PDE1C: variants seen among roughly 807,000 people sequenced by gnomAD.
PDE1C encodes dual specificity calcium/calmodulin-dependent 3',5'-cyclic nucleotide phosphodiesterase 1C.
In PDE1C, 62 loss-of-function variants were observed where a neutral mutation model predicts 93.1. That is an observed-to-expected ratio of 0.67 (90% CI 0.54 to 0.82). PDE1C has a LOEUF of 0.82. PDE1C is among the 40% of genes least tolerant of loss of function. The pLI, the probability that PDE1C is intolerant of heterozygous loss-of-function variation, is 0.00. For synonymous variants in PDE1C, 325 were observed against 310.1 expected, an observed-to-expected ratio of 1.05 and a Z score of -0.50; for missense variants, 742 against 884.6, an observed-to-expected ratio of 0.84 and a Z score of 2.04.
At chr7:32,396,716 T>C (rs1784846273) in intron 1 of PDE1C, among the ~76,000 whole-genome samples, 1 of 152,152 alleles carries the variant, frequency 6.6e-6, no homozygotes, top group Non-Finnish European at 1.5e-5. Flanking sequence ...GTATGTTTGT[T>C]ATAGTAAAAT....
chr7:31,934,972 A>G (rs1563061354), intron 2 of PDE1C, among the ~76,000 whole-genome samples: 1 of 152,236 alleles, frequency 6.6e-6, no homozygotes, highest in East Asian at 1.9e-4. Context: ...TTTTAAAACT[A>G]CAGTGATAGT....
At chr7:32,137,583 G>A (rs998747753) in intron 3 of PDE1C, among the ~76,000 whole-genome samples, 12 of 152,172 alleles carry the variant, frequency 7.9e-5, no homozygotes, top group Non-Finnish European at 1.5e-5. Context: ...TGGAGAAGCA[G>A]CAGAAGGGTA....
chr7:32,083,252 T>C (rs1796831540), intron 3 of PDE1C, among the ~76,000 whole-genome samples: 2 of 150,556 alleles, frequency 1.3e-5, no homozygotes, highest in Admixed American at 6.6e-5. Context: ...AGGGTATCAG[T>C]GATGGAAGAT....
At chr7:31,954,300 G>C (rs1177405969) in intron 2 of PDE1C, among the ~76,000 whole-genome samples, 1 of 152,190 alleles carries the variant, frequency 6.6e-6, no homozygotes, top group African/African-American at 2.4e-5. Context: ...AGGGGCTTCG[G>C]AGGCTGTAGC....
At chr7:32,264,765 C>T (rs1810451501) in intron 1 of PDE1C, among the ~76,000 whole-genome samples, 1 of 152,202 alleles carries the variant, frequency 6.6e-6, no homozygotes, top group Non-Finnish European at 1.5e-5. Flanking sequence ...CAAGATGTCC[C>T]ATGCCTCCAC....
intron 16 of PDE1C, among the ~76,000 whole-genome samples, chr7:31,803,399 T>TTTATTA (rs70989605): frequency 0.013 from 1,978 of 150,174 alleles, 28 homozygotes; most frequent in African/African-American, 0.036. Flanking sequence ...GCTTTTTCTT[T>TTTATTA]TTATTATTAT....
chr7:32,090,586 AG>A (rs1563304352), intron 3 of PDE1C, among the ~76,000 whole-genome samples: 1 of 152,244 alleles, frequency 6.6e-6, no homozygotes, highest in Non-Finnish European at 1.5e-5. Flanking sequence ...AAACCCAGAT[AG>A]CAGACCAATA....
rs139992950 is a variant in PDE1C, at chr7:31,955,181, G to A, written c.129-74321C>T. 4.1e-4 allele frequency among the ~76,000 whole-genome samples: 63 copies of A among 152,320 alleles called. No homozygotes were observed. The East Asian group carries it at 0.012, about 29-fold the overall frequency. On this transcript the variant is annotated intron_variant, in intron 2 of 17. Coordinates refer to ENST00000396191, the MANE Select transcript of PDE1C (RefSeq NM_001191057.4). Reference sequence around the variant, plus strand: ...AGAAGCAGCCACAGTGTGATCGGATGTAGGGCTGTTTATCTTGACAATCCT... The same window carrying A: ...AGAAGCAGCCACAGTGTGATCGGATATAGGGCTGTTTATCTTGACAATCCT...
chr7:32,074,759 G>A (rs1441291624), upstream of PDE1C, among the ~76,000 whole-genome samples: 1 of 152,230 alleles, frequency 6.6e-6, no homozygotes, highest in African/African-American at 2.4e-5. Context: ...AAAGGTGGGT[G>A]GAGGCAGGTG....
At chr7:31,807,814 T>C (rs1787045863) in intron 16 of PDE1C, among the ~76,000 whole-genome samples, 2 of 151,868 alleles carry the variant, frequency 1.3e-5, no homozygotes, top group African/African-American at 4.8e-5. Flanking sequence ...AGAGTCTGGC[T>C]CAGAGACTGT....
chr7:32,376,762 A>G (rs1179378713), intron 1 of PDE1C, among the ~76,000 whole-genome samples: 1 of 151,990 alleles, frequency 6.6e-6, no homozygotes, highest in African/African-American at 2.4e-5. Context: ...ATCTCGGCTC[A>G]CTGCAAGCTC....
intron 2 of PDE1C, among the ~76,000 whole-genome samples, chr7:31,925,797 T>A (rs1803297409): frequency 6.6e-6 from 1 of 152,208 alleles, no homozygotes; most frequent in South Asian, 2.1e-4. Flanking sequence ...TGAATTTTCC[T>A]AATTTTCCCC....
At position 31,883,608 on chromosome 7, in the gene PDE1C, G is replaced by A. The variant is rs79682997; in HGVS notation, c.129-2748C>T. ...TAAGGACATTATATGGACTATGGAT[G>A]TATAGCCACTAATTTTTAACAATTC... On this transcript the variant is annotated intron_variant, in intron 2 of 17. Coordinates refer to ENST00000396191, the MANE Select transcript of PDE1C (RefSeq NM_001191057.4). Among the ~76,000 whole-genome samples, 1,516 of 152,338 alleles carry A rather than the reference G, an allele frequency of 1.0e-2. 14 individuals carry two copies. The highest frequency in any genetic ancestry group is 0.018 in the Non-Finnish European group (1,197 of 68,042).
intron 16 of PDE1C, among the ~76,000 whole-genome samples, chr7:31,779,538 A>G (rs1783244325): frequency 6.6e-6 from 1 of 152,204 alleles, no homozygotes; most frequent in Non-Finnish European, 1.5e-5. Flanking sequence ...AAGCAGAACT[A>G]CAAGGCCTTC....
the PDE1C span, among the ~76,000 whole-genome samples, chr7:31,739,574 G>A: frequency 6.6e-6 from 1 of 152,160 alleles, no homozygotes; most frequent in Admixed American, 6.5e-5. Context: ...GTGGTTACTT[G>A]AAGGATTGGA....
chr7:31,958,352 C>A (rs1437105030), intron 2 of PDE1C, among the ~76,000 whole-genome samples: 1 of 152,176 alleles, frequency 6.6e-6, no homozygotes, highest in South Asian at 2.1e-4. Flanking sequence ...GTGCATCTGA[C>A]ATTATGTGGT....
At chr7:31,860,373 G>A (rs1024234556) in intron 7 of PDE1C, among the ~76,000 whole-genome samples, 1 of 152,118 alleles carries the variant, frequency 6.6e-6, no homozygotes, top group African/African-American at 2.4e-5. Flanking sequence ...ATAGTGCTGA[G>A]GTTGAGAAAC....
chr7:32,335,790 G>A (rs539527447), intron 1 of PDE1C, among the ~76,000 whole-genome samples: 2 of 152,144 alleles, frequency 1.3e-5, no homozygotes, highest in East Asian at 3.9e-4. Flanking sequence ...GTGCAGTGGT[G>A]CGATCATGGC....
intron 3 of PDE1C, among the ~76,000 whole-genome samples, chr7:32,168,551 C>T (rs1459983739): frequency 6.6e-6 from 1 of 152,132 alleles, no homozygotes; most frequent in African/African-American, 2.4e-5. Flanking sequence ...ACAGAGAAAG[C>T]CATTCATGGT....
Sources: gnomAD v4.1 joint callset for allele counts (sites outside exome capture counted in the v4.1 genomes callset) on GRCh38, gnomAD v4.1.1 for gene constraint, MANE v1.5 for transcripts, NCBI Gene and HGNC (gene_info 2026-07-23, HGNC 2026-07-21) for gene names.